Variants in OR10A6 observed in about 807,000 individuals in gnomAD.
The protein encoded by OR10A6 is olfactory receptor 10A6.
In OR10A6, 2 loss-of-function variants were observed where a neutral mutation model predicts 1.5. That is an observed-to-expected ratio of 1.31 (90% CI 0.54 to 4.13). The LOEUF is 4.13. OR10A6 is among the 30% of genes most tolerant of loss of function. The pLI is 0.07. For missense variants in OR10A6, 492 were observed against 368.6 expected (o/e 1.33, Z -2.74); for synonymous variants, 169 against 137.3 (o/e 1.23, Z -1.61).
Position 7,925,607 on chromosome 11 carries a change from A to G in OR10A6, c.*2111T>C, listed in dbSNP as rs1181831591. The G allele has an allele frequency of 6.6e-6, 1 of 152,234 alleles. No individual in the cohort carries two copies. Among genetic ancestry groups the G allele is most frequent in the Non-Finnish European group, 1.5e-5 (1 of 68,038 alleles). The allele number at this position is 152,234 out of a possible 1,614,324, so 9.4% of individuals were successfully genotyped here. On this transcript the variant is annotated 3_prime_UTR_variant, in exon 4 of 4. Transcript: ENST00000641238. The stretch of plus-strand genomic sequence containing the variant: ...AAGAAAAAAATTGGTTTACAGAATC[A>G]ATGAACAAAATGAACTAAAGAATGG...
In OR10A6 at chr11:7,928,236, T is replaced by C. The variant is rs765143934; in HGVS notation, c.427A>G (p.Lys143Glu). ...AAGGCCCATGAAAATATAATTAATT[T>C]CATAAAAACTCCTTTATTCATAATC... ...QMIMNKGVFMKLIIFSWALGF... is the reference protein window; with the variant it reads ...QMIMNKGVFMELIIFSWALGF... Residue 143 changes from lysine to glutamate, a missense_variant, in exon 4 of 4, where the codon AAA becomes GAA. Transcript: ENST00000641238. 7 of 1,611,696 alleles carry C rather than the reference T, an allele frequency of 4.3e-6. No individual in the cohort carries two copies. Among genetic ancestry groups the C allele is most frequent in the Non-Finnish European group, 5.9e-6 (7 of 1,178,804 alleles).
At position 7,928,668 on chromosome 11, in the gene OR10A6, G is replaced by T; in HGVS notation, c.-6C>A. The T allele has an allele frequency of 6.3e-7, 1 of 1,584,366 alleles. No homozygotes were observed. The highest frequency in any genetic ancestry group is 8.6e-7 in the Non-Finnish European group (1 of 1,164,884). ...CTTTGATTTTGTCTTTCCATTTTCA[G>T]TAATGAAGTCGTGCATTGATTTTAT... On this transcript the variant is annotated 5_prime_UTR_variant, in exon 4 of 4. In the 5' UTR this introduces an upstream ATG that the reference lacks. Coordinates refer to ENST00000641238, the MANE Select transcript of OR10A6 (RefSeq NM_001004461.2).
rs1289108102 is a variant in OR10A6, at chr11:7,929,966, G to GTGTATATATATATATATATATATATA, written c.-1305_-1304insTATATATATATATATATATATATACA. The GTGTATATATATATATATATATATATA allele has an allele frequency of 2.6e-4, 15 of 57,214 alleles. 2 individuals carry two copies. The highest frequency in any genetic ancestry group is 8.4e-4 in the African/African-American group (12 of 14,230). 3.5% of individuals were successfully genotyped at this position (57,214 alleles called of 1,614,324 possible). On this transcript the variant is annotated 5_prime_UTR_variant, in exon 4 of 4. Coordinates refer to ENST00000641238, the MANE Select transcript of OR10A6 (RefSeq NM_001004461.2). Reference sequence around the variant, plus strand: ...TCTAGTAAGGTATGTGTATGTGTATGTATATATATATATATATATATATAT... The same window carrying GTGTATATATATATATATATATATATA: ...TCTAGTAAGGTATGTGTATGTGTATGTGTATATATATATATATATATATATATATATATATATATATATATATATAT...
chr11:7,929,755 T>TATATATATATACACAC lies in OR10A6; in HGVS notation c.-1094_-1093insGTGTGTATATATATAT, dbSNP rs55811645. 9.3e-5 allele frequency: 9 copies of TATATATATATACACAC among 97,272 alleles called. No homozygotes were observed. The highest frequency in any genetic ancestry group is 2.1e-4 in the African/African-American group (6 of 28,016). 6.0% of individuals were successfully genotyped at this position (97,272 alleles called of 1,614,324 possible). A position where few individuals can be genotyped will look rare whatever the true frequency, so the allele number is the denominator to read the frequency against. On this transcript the variant is annotated 5_prime_UTR_variant, in exon 4 of 4. The change abolishes the stop of an existing upstream ORF in the 5' untranslated region. Transcript: ENST00000641238. Reference sequence around the variant, plus strand: ...ATATATATATATATATATATATATATACACACACATGCACACATATATATA... The same window carrying TATATATATATACACAC: ...ATATATATATATATATATATATATATATATATATATACACACACACACACATGCACACATATATATA...
chr11:7,925,753 A>C lies in OR10A6; in HGVS notation c.*1965T>G, dbSNP rs1859384602. ...ATCAGAAGGAAATTTCAGGATATCA[A>C]GAGATGGGATCCAATCAAAGGCTTT... On this transcript the variant is annotated 3_prime_UTR_variant, in exon 4 of 4. Coordinates refer to ENST00000641238, the MANE Select transcript of OR10A6 (RefSeq NM_001004461.2). 6.6e-6 allele frequency: 1 copy of C among 152,240 alleles called. No individual in the cohort carries two copies. The highest frequency in any genetic ancestry group is 2.4e-5 in the African/African-American group (1 of 41,474). The allele number at this position is 152,240 out of a possible 1,614,324, so 9.4% of individuals were successfully genotyped here.
In OR10A6 at chr11:7,927,820, C is replaced by A. The variant is rs776510303; in HGVS notation, c.843G>T (p.Leu281=). 3 of 1,613,746 alleles carry A rather than the reference C, an allele frequency of 1.9e-6. No homozygotes were observed. The highest frequency in any genetic ancestry group is 1.1e-5 in the South Asian group (1 of 91,066). ...KKVMSLSYSL[L]TPLLNLLIYS... ...AGATAAGCAGATTCAGCAGTGGTGT[C>A]AGAAGTGAGTAAGACAATGACATCA... is the stretch of plus-strand genomic sequence containing the variant. The change falls in exon 4 of 4, where the codon CTG becomes CTT. Residue 281 remains leucine (L), a synonymous_variant. Transcript: ENST00000641238.
rs1325230990 is a variant in OR10A6, at chr11:7,928,214, G to A, written c.449C>T (p.Ala150Val). ...VFMKLIIFSWALGFMLGTVQT... is the reference protein window; with the variant it reads ...VFMKLIIFSWVLGFMLGTVQT... ...AACAGTACCTAACATAAAACCTAAG[G>A]CCCATGAAAATATAATTAATTTCAT... Residue 150 changes from alanine (A) to valine (V), a missense_variant, in exon 4 of 4, where the codon GCC becomes GTC. Coordinates refer to ENST00000641238, the MANE Select transcript of OR10A6 (RefSeq NM_001004461.2). The A allele has an allele frequency of 6.2e-7, 1 of 1,610,440 alleles. No individual in the cohort carries two copies. Among genetic ancestry groups the A allele is most frequent in the South Asian group, 1.1e-5 (1 of 90,748 alleles).
In OR10A6 at chr11:7,928,373, C is replaced by G. The variant is rs1287927411; in HGVS notation, c.290G>C (p.Cys97Ser). ...AAGGATGAAATACATCTGTGCAAAA[C>G]AGCCCCCAAAAGAAATTGTAGTTTT... Reference protein sequence around the residue: ...TEKTTISFGGCFAQMYFILLF... With the variant: ...TEKTTISFGGSFAQMYFILLF... The change falls in exon 4 of 4, where the codon TGT becomes TCT. Residue 97 changes from cysteine to serine, a missense_variant. Physicochemically the swap from Cys to Ser is moderately radical, Grantham distance 112. Transcript: ENST00000641238. The G allele has an allele frequency of 1.9e-6, 3 of 1,614,036 alleles. No individual in the cohort carries two copies. Among genetic ancestry groups the G allele is most frequent in the South Asian group, 2.2e-5 (2 of 91,068 alleles).
At position 7,928,597 on chromosome 11, in the gene OR10A6, C is replaced by A. The variant is rs572270096; in HGVS notation, c.66G>T (p.Glu22Asp). The A allele has an allele frequency of 6.2e-7, 1 of 1,612,254 alleles. No homozygotes were observed. The highest frequency in any genetic ancestry group is 1.7e-5 in the Admixed American group (1 of 59,480). ...AAGCCACAAAGAGCTGCCCCTGGAG[C>A]TCAGGATAGTTAGAAAAGCCCAAGA... is the stretch of plus-strand genomic sequence containing the variant. ...FILLGFSNYP[E>D]LQGQLFVAFL... The change falls in exon 4 of 4, where the codon GAG becomes GAT. Residue 22 changes from glutamate to aspartate, a missense_variant. Glu to Asp is a conservative substitution (Grantham distance 45). Transcript: ENST00000641238.
intron 3 of OR10A6, 24 bp downstream of exon 3, chr11:7,930,837 A>G (rs1236594701): frequency 5.3e-5 from 8 of 152,206 alleles, no homozygotes; most frequent in Admixed American, 5.2e-4. Flanking sequence ...TGTCTTGGAT[A>G]GATCACTGAC....
Position 7,927,605 on chromosome 11 carries a change from A to G in OR10A6, c.*113T>C. On this transcript the variant is annotated 3_prime_UTR_variant, in exon 4 of 4. Transcript: ENST00000641238. ...TATACAATCAAACTTGGAGAACACA[A>G]TAAATTAGTCATACTCATGCCAAAA... The G allele has an allele frequency of 1.5e-6, 1 of 666,900 alleles. No individual in the cohort carries two copies. The highest frequency in any genetic ancestry group is 2.7e-5 in the East Asian group (1 of 36,610). 41.3% of individuals were successfully genotyped at this position (666,900 alleles called of 1,614,324 possible). A position where few individuals can be genotyped will look rare whatever the true frequency, so the allele number is the denominator to read the frequency against.
At position 7,928,316 on chromosome 11, in the gene OR10A6, C is replaced by T. The variant is rs1859457858; in HGVS notation, c.347G>A (p.Gly116Glu). Residue 116 changes from glycine to glutamate, a missense_variant, in exon 4 of 4, where the codon GGA (glycine) becomes GAA (glutamate). Physicochemically the swap from Gly to Glu is moderately conservative, Grantham distance 98. Coordinates refer to ENST00000641238, the MANE Select transcript of OR10A6 (RefSeq NM_001004461.2). Reference protein sequence around the residue: ...LFGGAECFLLGAMAYDRFAAI... With the variant: ...LFGGAECFLLEAMAYDRFAAI... ...AGCAAATCGGTCATAAGCCATTGCT[C>T]CCAGAAGAAAACATTCAGCCCCACC... 5 of 1,613,818 alleles carry T rather than the reference C, an allele frequency of 3.1e-6. No homozygotes were observed. The highest frequency in any genetic ancestry group is 4.2e-6 in the Non-Finnish European group (5 of 1,179,840).
In OR10A6 at chr11:7,929,265, T is replaced by A. The variant is rs1198847445; in HGVS notation, c.-603A>T. 1 of 152,192 alleles carries A rather than the reference T, an allele frequency of 6.6e-6. No individual in the cohort carries two copies. The highest frequency in any genetic ancestry group is 2.4e-5 in the African/African-American group (1 of 41,458). The allele number at this position is 152,192 out of a possible 1,614,324, so 9.4% of individuals were successfully genotyped here. A position where few individuals can be genotyped will look rare whatever the true frequency, so the allele number is the denominator to read the frequency against. On this transcript the variant is annotated 5_prime_UTR_variant, in exon 4 of 4. Transcript: ENST00000641238. ...CAACACAACCATATTAGGTGACCTA[T>A]AGACTATGTGAATTGGCTTCAAGCT... is the stretch of plus-strand genomic sequence containing the variant.
Position 7,926,496 on chromosome 11 carries a change from A to G in OR10A6, c.*1222T>C, listed in dbSNP as rs1373457562. The G allele has an allele frequency of 6.6e-6, 1 of 152,142 alleles. No homozygotes were observed. The highest frequency in any genetic ancestry group is 1.5e-5 in the Non-Finnish European group (1 of 68,020). 9.4% of individuals were successfully genotyped at this position (152,142 alleles called of 1,614,324 possible). On this transcript the variant is annotated 3_prime_UTR_variant, in exon 4 of 4. Coordinates refer to ENST00000641238, the MANE Select transcript of OR10A6 (RefSeq NM_001004461.2). ...CTCATGAAATTTCTCTCTTTTTTTGAAATTCAAATAGATTTGCAACTTCAC... is the reference window on the plus strand; with the variant it reads ...CTCATGAAATTTCTCTCTTTTTTTGGAATTCAAATAGATTTGCAACTTCAC...
At position 7,928,725 on chromosome 11, in the gene OR10A6, C is replaced by T; in HGVS notation, c.-63G>A. ...AGTATATACAGAATAAAGCCACAGT[C>T]CATTAGCTAAGAGTTCCAGTCTGCA... On this transcript the variant is annotated 5_prime_UTR_variant, in exon 4 of 4. Coordinates refer to ENST00000641238, the MANE Select transcript of OR10A6 (RefSeq NM_001004461.2). The T allele has an allele frequency of 8.2e-7, 1 of 1,223,468 alleles. No individual in the cohort carries two copies. The highest frequency in any genetic ancestry group is 1.1e-6 in the Non-Finnish European group (1 of 896,096). The allele number at this position is 1,223,468 out of a possible 1,614,324, so 75.8% of individuals were successfully genotyped here.
rs766972109 is a variant in OR10A6, at chr11:7,927,823, A to ACACTGCTGTCTTAC, written c.839_840insGTAAGACAGCAGTG (p.Leu281Ter). Reference sequence around the variant, plus strand: ...TAAGCAGATTCAGCAGTGGTGTCAGAAGTGAGTAAGACAATGACATCACTT... The same window carrying ACACTGCTGTCTTAC: ...TAAGCAGATTCAGCAGTGGTGTCAGACACTGCTGTCTTACAGTGAGTAAGACAATGACATCACTT... On this transcript the variant is annotated stop_gained and frameshift_variant, in exon 4 of 4. Coordinates refer to ENST00000641238, the MANE Select transcript of OR10A6 (RefSeq NM_001004461.2). LOFTEE classifies it high-confidence loss of function. 3 of 1,613,746 alleles carry ACACTGCTGTCTTAC rather than the reference A, an allele frequency of 1.9e-6. No homozygotes were observed. The highest frequency in any genetic ancestry group is 1.1e-5 in the South Asian group (1 of 91,074).
rs764407747 is a variant in OR10A6 at position 7,928,544 on chromosome 11, A to C, written c.119T>G (p.Ile40Arg). The change falls in exon 4 of 4, where the codon ATA becomes AGA. Residue 40 changes from isoleucine to arginine, a missense_variant. Physicochemically the swap from Ile to Arg is moderately conservative, Grantham distance 97. Coordinates refer to ENST00000641238, the MANE Select transcript of OR10A6 (RefSeq NM_001004461.2). ...AFLVIYLVTL[I>R]GNAIIIVIVS... The stretch of plus-strand genomic sequence containing the variant: ...GATGACTATAATAATGGCATTTCCT[A>C]TCAGGGTCACCAGATAAATAACCAG... The C allele has an allele frequency of 6.2e-7, 1 of 1,613,758 alleles. No individual in the cohort carries two copies. Among genetic ancestry groups the C allele is most frequent in the Middle Eastern group, 1.7e-4 (1 of 6,060 alleles).
rs1361160298 is a variant in OR10A6 at position 7,929,210 on chromosome 11, C to T, written c.-548G>A. The stretch of plus-strand genomic sequence containing the variant: ...TGACTTGGAGAAAGAAAACAACATT[C>T]TGTAGAAACATAGAGGGGATTTGAA... On this transcript the variant is annotated 5_prime_UTR_variant, in exon 4 of 4. Coordinates refer to ENST00000641238, the MANE Select transcript of OR10A6 (RefSeq NM_001004461.2). 1 of 152,158 alleles carries T rather than the reference C, an allele frequency of 6.6e-6. No individual in the cohort carries two copies. Among genetic ancestry groups the T allele is most frequent in the Non-Finnish European group, 1.5e-5 (1 of 68,062 alleles). The allele number at this position is 152,158 out of a possible 1,614,324, so 9.4% of individuals were successfully genotyped here. A position where few individuals can be genotyped will look rare whatever the true frequency, so the allele number is the denominator to read the frequency against.
chr11:7,925,146 A>G lies in OR10A6; in HGVS notation c.*2572T>C, dbSNP rs1032994733. 1.3e-5 allele frequency: 2 copies of G among 152,202 alleles called. No homozygotes were observed. Among genetic ancestry groups the G allele is most frequent in the African/African-American group, 4.8e-5 (2 of 41,462 alleles). The allele number at this position is 152,202 out of a possible 1,614,324, so 9.4% of individuals were successfully genotyped here. ...ACTAGCAGCAGTAGCAGCCACGGTG[A>G]CTATAACTAAAAATCACCATGAAGA... On this transcript the variant is annotated 3_prime_UTR_variant, in exon 4 of 4. Transcript: ENST00000641238.
Sources: allele counts gnomAD v4.1 joint callset, GRCh38; gene constraint gnomAD v4.1.1; transcripts MANE v1.5; gene names NCBI Gene and HGNC (gene_info 2026-07-23, HGNC 2026-07-21).